Variants in MCM3AP observed in about 807,000 individuals in gnomAD.
MCM3AP encodes germinal-center associated nuclear protein.
A neutral mutation model predicts 184.1 loss-of-function variants in MCM3AP; 126 were observed. The ratio of observed to expected loss-of-function variants is 0.68; its 90% CI spans 0.59 to 0.79. The LOEUF is 0.79. Ranked by LOEUF, MCM3AP falls within the 30% of genes least tolerant of loss-of-function variation. MCM3AP has a pLI of 0.00. For missense variants in MCM3AP, 2,496 were observed against 2,479.2 expected, an observed-to-expected ratio of 1.01 and a Z score of -0.14; for synonymous variants, 1,002 against 979.3, an observed-to-expected ratio of 1.02 and a Z score of -0.43.
chr21:46,268,926 G>A (rs2145686344), intron 9 of MCM3AP, among the ~76,000 whole-genome samples: 1 of 152,114 alleles, frequency 6.6e-6, no homozygotes, highest in African/African-American at 2.4e-5. Flanking sequence ...CCCAGCTACT[G>A]GGGAGGGAGG....
intron 20 of MCM3AP, 128 bp from the exon 21 acceptor site, chr21:46,247,014 T>C: frequency 1.1e-6 from 1 of 912,088 alleles, no homozygotes; most frequent in Non-Finnish European, 1.7e-6. Context: ...CAGACAGGCC[T>C]CCAAGGGCAC....
At chr21:46,263,494 A>G (rs938178872) in intron 13 of MCM3AP, among the ~76,000 whole-genome samples, 6 of 151,508 alleles carry the variant, frequency 4.0e-5, no homozygotes, top group African/African-American at 1.5e-4. Context: ...TGTTAAGATG[A>G]CAATACTGGC....
intron 8 of MCM3AP, among the ~76,000 whole-genome samples, chr21:46,271,326 GTTTTTTT>G (rs375433728): frequency 1.5e-5 from 2 of 132,178 alleles, no homozygotes; most frequent in Non-Finnish European, 3.2e-5. Flanking sequence ...CCACACCTGG[GTTTTTTT>G]TTTTTTTTTT....
intron 10 of MCM3AP, 27 bp downstream of exon 10, chr21:46,266,955 C>A (rs1261257230): frequency 2.5e-6 from 4 of 1,611,992 alleles, no homozygotes; most frequent in Admixed American, 1.7e-5. Flanking sequence ...GAGACAGGGG[C>A]CCCACAGTTC....
At chr21:46,258,730 A>G (rs1417516446) in intron 16 of MCM3AP, among the ~76,000 whole-genome samples, 2 of 66,882 alleles carry the variant, frequency 3.0e-5, no homozygotes, top group Non-Finnish European at 6.4e-5. Flanking sequence ...TTTTCCCCTT[A>G]TATTGTATGT....
At chr21:46,281,024 T>C (rs1390477878) in intron 2 of MCM3AP, among the ~76,000 whole-genome samples, 1 of 152,224 alleles carries the variant, frequency 6.6e-6, no homozygotes. Flanking sequence ...CAGGATGGTC[T>C]TGATCTCCTG....
At chr21:46,270,132 C>A in intron 9 of MCM3AP, 2 of 309,666 alleles carry the variant, frequency 6.5e-6, no homozygotes. Flanking sequence ...GATGATAGTG[C>A]TGAATTCAAC....
chr21:46,272,793 C>T lies in MCM3AP; in HGVS notation c.2233G>A (p.Val745Met). Residue 745 changes from valine to methionine, a missense_variant, in exon 8 of 28, where the codon GTG (valine) becomes ATG (methionine). By Grantham distance (21) the Val-to-Met change is conservative. Transcript: ENST00000291688. ...TQQHLCDPLT[V>M]SLIEKCTRFH... ...CGGGTGCACTTCTCAATCAGGGACA[C>T]CGTCAGGGGGTCACAGAGGTGCTGC... The T allele has an allele frequency of 6.2e-7, 1 of 1,609,510 alleles. No individual in the cohort carries two copies. Among genetic ancestry groups the T allele is most frequent in the East Asian group, 2.2e-5 (1 of 44,816 alleles).
At position 46,277,705 on chromosome 21, in the gene MCM3AP, C is replaced by A. The variant is rs758371256; in HGVS notation, c.1680G>T (p.Lys560Asn). The A allele has an allele frequency of 1.3e-6, 2 of 1,588,154 alleles. No homozygotes were observed. Among genetic ancestry groups the A allele is most frequent in the African/African-American group, 2.7e-5 (2 of 73,694 alleles). ...SSLLNKSSPV[K>N]KPSLLKAHQF... The stretch of plus-strand genomic sequence containing the variant: ...GGTGGGCCTTTAGAAGACTTGGCTT[C>A]TTCACTGGAGAGCTATAAAGTAAAC... Residue 560 changes from lysine (K) to asparagine (N), a missense_variant, in exon 5 of 28, where the codon AAG becomes AAT. Coordinates refer to ENST00000291688, the MANE Select transcript of MCM3AP (RefSeq NM_003906.5).
intron 22 of MCM3AP, among the ~76,000 whole-genome samples, chr21:46,246,077 G>A (rs140979973): frequency 6.6e-6 from 1 of 152,298 alleles, no homozygotes; most frequent in Non-Finnish European, 1.5e-5. Flanking sequence ...AGGCGCAGTG[G>A]CACACCACAG....
At chr21:46,239,961 T>C (rs1438850003) in intron 26 of MCM3AP, among the ~76,000 whole-genome samples, 1 of 152,062 alleles carries the variant, frequency 6.6e-6, no homozygotes, top group African/African-American at 2.4e-5. Flanking sequence ...GAAAGAAGGC[T>C]GAAGAAGTGA....
At chr21:46,268,611 G>C (rs1025601197) in intron 9 of MCM3AP, among the ~76,000 whole-genome samples, 1 of 152,368 alleles carries the variant, frequency 6.6e-6, no homozygotes, top group Non-Finnish European at 1.5e-5. Context: ...TGCGAGTGTG[G>C]AACAGCAGTG....
At chr21:46,273,297 A>T (rs988624380) in intron 7 of MCM3AP, 91 bp downstream of exon 7, 3 of 1,249,824 alleles carry the variant, frequency 2.4e-6, no homozygotes, top group Admixed American at 3.9e-5. Context: ...TTTTTGTTAC[A>T]GATAAAATAT....
chr21:46,266,096 T>C lies in MCM3AP; in HGVS notation c.2860A>G (p.Ile954Val). The C allele has an allele frequency of 6.2e-7, 1 of 1,612,322 alleles. No individual in the cohort carries two copies. Among genetic ancestry groups the C allele is most frequent in the Non-Finnish European group, 8.5e-7 (1 of 1,179,276 alleles). The change falls in exon 11 of 28, where the codon ATT becomes GTT. Residue 954 changes from isoleucine to valine, a missense_variant. Physicochemically the swap from Ile to Val is conservative, Grantham distance 29 (BLOSUM62 3). This residue lies in a region of MCM3AP where 138 missense variants were observed against 191.9 expected (regional missense o/e 0.72). Coordinates refer to ENST00000291688, the MANE Select transcript of MCM3AP (RefSeq NM_003906.5). ...ACTGACACCGTCAGCTTCCTAGTAA[T>C]AAACACCGACTTCCTGGTCTTGGAT... ...GLSKTRKSVF[I>V]TRKLTVSVGE... is the part of the protein sequence containing the mutation.
rs1471374600 is a variant in MCM3AP, at chr21:46,254,770, A to G, written c.4001+6T>C. ...GGGGTGCGCAGAAGGGTGCAGCATG[A>G]CAGACCTCAGCAGCTGCTGGTAGAA... is the stretch of plus-strand genomic sequence containing the variant. On this transcript the variant is annotated splice_donor_region_variant and intron_variant, in intron 18 of 27. Coordinates refer to ENST00000291688, the MANE Select transcript of MCM3AP (RefSeq NM_003906.5). 3.7e-6 allele frequency: 6 copies of G among 1,613,116 alleles called. No homozygotes were observed. Among genetic ancestry groups the G allele is most frequent in the Non-Finnish European group, 5.1e-6 (6 of 1,179,200 alleles).
intron 20 of MCM3AP, 77 bp downstream of exon 20, chr21:46,251,452 G>A: frequency 2.4e-6 from 3 of 1,249,960 alleles, no homozygotes; most frequent in Non-Finnish European, 3.4e-6. Flanking sequence ...AGCAGTATTT[G>A]CATGGTTCCA....
rs189829346 is a variant in MCM3AP at position 46,258,432 on chromosome 21, T to C, written c.3734+507A>G. ...CTCCCATTCCCAAAAGTAACCACTA[T>C]GCTGAGATTATGATCATTATTTTCC... On this transcript the variant is annotated intron_variant, in intron 16 of 27. Coordinates refer to ENST00000291688, the MANE Select transcript of MCM3AP (RefSeq NM_003906.5). 2.4e-3 allele frequency among the ~76,000 whole-genome samples: 359 copies of C among 152,348 alleles called. 1 individual carries two copies. The highest frequency in any genetic ancestry group is 8.1e-3 in the African/African-American group (338 of 41,580).
chr21:46,259,904 CAAAAAAAAAAA>C (rs58993039), intron 15 of MCM3AP, among the ~76,000 whole-genome samples: 2 of 80,268 alleles, frequency 2.5e-5, no homozygotes, highest in Admixed American at 2.9e-4. Flanking sequence ...AACTCCATTT[CAAAAAAAAAAA>C]AAAAAAAAAA....
chr21:46,283,466 AG>A (rs1156900820), intron 2 of MCM3AP, 148 bp downstream of exon 2: 1 of 605,902 alleles, frequency 1.7e-6, no homozygotes, highest in Non-Finnish European at 2.9e-6. Context: ...TGAAATAAAT[AG>A]TGCTATCCCA....
Sources: gnomAD v4.1 joint callset for allele counts (sites outside exome capture counted in the v4.1 genomes callset) on GRCh38, gnomAD v4.1.1 for gene constraint, gnomAD v4.1.1 regional missense constraint, MANE v1.5 for transcripts, NCBI Gene and HGNC (gene_info 2026-07-23, HGNC 2026-07-21) for gene names.